Variants in CELF4 observed in about 807,000 individuals in gnomAD.
The protein encoded by CELF4 is CUG-BP- and ETR-3-like factor 4.
CELF4 carries 18 observed loss-of-function variants against 59.9 expected under a neutral mutation model. The observed-to-expected ratio is 0.30, with a 90% CI of 0.21 to 0.45. CELF4 has a LOEUF of 0.45. Ranked by LOEUF, CELF4 falls within the 20% of genes least tolerant of loss-of-function variation. CELF4 has a pLI of 1.00. For missense variants in CELF4, 456 were observed against 689.0 expected (o/e 0.66, Z 3.79); for synonymous variants, 261 against 267.1 (o/e 0.98, Z 0.22).
chr18:37,390,173 T>C lies in CELF4; in HGVS notation c.370-68292A>G, dbSNP rs534540272. ...ACATGCTGTAGGTGGCATATGTCCA[T>C]GAGCGTGCGCCACATGGGAGCCTGC... On this transcript the variant is annotated intron_variant, in intron 2 of 12. Transcript: ENST00000420428. Among the ~76,000 whole-genome samples the C allele has an allele frequency of 3.3e-5, 5 of 152,318 alleles. No individual in the cohort carries two copies. In the East Asian group the frequency reaches 5.8e-4, roughly 18 times the overall value.
At chr18:37,318,317 T>G (rs771505895) in intron 3 of CELF4, among the ~76,000 whole-genome samples, 32 of 150,880 alleles carry the variant, frequency 2.1e-4, no homozygotes, top group Admixed American at 1.8e-3. Flanking sequence ...ACCTCTCTAC[T>G]TTTCTCACCT....
At chr18:37,470,920 G>GAGAGAGAGAGA (rs374277745) in intron 2 of CELF4, among the ~76,000 whole-genome samples, 18 of 147,424 alleles carry the variant, frequency 1.2e-4, no homozygotes, top group East Asian at 4.0e-4. Context: ...GAGAGAGAGA[G>GAGAGAGAGAGA]GTGGAGCCTC....
At chr18:37,499,107 A>G (rs575572798) in intron 1 of CELF4, among the ~76,000 whole-genome samples, 1 of 152,304 alleles carries the variant, frequency 6.6e-6, no homozygotes, top group African/African-American at 2.4e-5. Flanking sequence ...ATACACACTC[A>G]TAGGGGACAG....
At chr18:37,336,207 G>A (rs1009666926) in intron 2 of CELF4, among the ~76,000 whole-genome samples, 1 of 152,188 alleles carries the variant, frequency 6.6e-6, no homozygotes, top group Non-Finnish European at 1.5e-5. Flanking sequence ...GGCTGTGGTG[G>A]CTGCCAGTCT....
chr18:37,555,934 G>T (rs563766138), intron 1 of CELF4, among the ~76,000 whole-genome samples: 2 of 152,152 alleles, frequency 1.3e-5, no homozygotes, highest in African/African-American at 4.8e-5. Context: ...GCGTGTTCAC[G>T]TGTATGTAAG....
At chr18:37,560,003 G>T (rs1014351502) in intron 1 of CELF4, among the ~76,000 whole-genome samples, 1 of 152,202 alleles carries the variant, frequency 6.6e-6, no homozygotes, top group African/African-American at 2.4e-5. Context: ...TTCAAGAAAA[G>T]ATTTCATTTT....
intron 1 of CELF4, among the ~76,000 whole-genome samples, chr18:37,513,377 C>CACTG (rs2099946753): frequency 6.6e-6 from 1 of 152,190 alleles, no homozygotes; most frequent in South Asian, 2.1e-4. Flanking sequence ...TGTGAGCAAA[C>CACTG]TGAGAGTTGG....
rs371838626 is a variant in CELF4 at position 37,367,695 on chromosome 18, C to T, written c.370-45814G>A. ...GAGACTGTGTTTTTTTCTTTTCTTTCTTTTTTTTTTTTCTTAAAAGAGAGA... is the reference window on the plus strand; with the variant it reads ...GAGACTGTGTTTTTTTCTTTTCTTTTTTTTTTTTTTTTCTTAAAAGAGAGA... On this transcript the variant is annotated intron_variant, in intron 2 of 12. Coordinates refer to ENST00000420428, the MANE Select transcript of CELF4 (RefSeq NM_020180.4). Among the ~76,000 whole-genome samples, 47 of 144,744 alleles carry T rather than the reference C, an allele frequency of 3.2e-4. No individual in the cohort carries two copies. In the East Asian group the frequency reaches 6.4e-3, roughly 20 times the overall value. The allele number at this position is 144,744 out of a possible 152,430, so 95.0% of individuals were successfully genotyped here.
intron 2 of CELF4, among the ~76,000 whole-genome samples, chr18:37,387,021 G>T (rs545231589): frequency 1.3e-5 from 2 of 152,216 alleles, no homozygotes; most frequent in African/African-American, 4.8e-5. Flanking sequence ...GAGACGGCAC[G>T]CACGGGGCTG....
chr18:37,279,487 G>A (rs935550811), intron 3 of CELF4, among the ~76,000 whole-genome samples: 2 of 152,186 alleles, frequency 1.3e-5, no homozygotes, highest in Admixed American at 6.5e-5. Context: ...GAGGCCTCAC[G>A]GGTTCCTCCT....
chr18:37,479,889 A>T (rs1171907568), intron 2 of CELF4, among the ~76,000 whole-genome samples: 2 of 152,220 alleles, frequency 1.3e-5, no homozygotes, highest in Non-Finnish European at 2.9e-5. Flanking sequence ...TGTCTTCATA[A>T]AAAGGAGAAG....
chr18:37,270,233 T>C (rs1052243560), intron 8 of CELF4, among the ~76,000 whole-genome samples: 8 of 152,194 alleles, frequency 5.3e-5, no homozygotes, highest in African/African-American at 1.9e-4. Flanking sequence ...GGGCTGTCTG[T>C]GGTGCTGACC....
At chr18:37,425,054 C>T (rs1277689162) in intron 2 of CELF4, among the ~76,000 whole-genome samples, 1 of 152,196 alleles carries the variant, frequency 6.6e-6, no homozygotes, top group Non-Finnish European at 1.5e-5. Context: ...TGGTCACATC[C>T]TATATTGCTG....
At chr18:37,321,529 T>C (rs1357254482) in intron 3 of CELF4, among the ~76,000 whole-genome samples, 1 of 152,198 alleles carries the variant, frequency 6.6e-6, no homozygotes, top group Admixed American at 6.5e-5. Flanking sequence ...GGTGTTTTAA[T>C]GGAGGGGAGA....
intron 3 of CELF4, among the ~76,000 whole-genome samples, chr18:37,309,366 G>T (rs2096561785): frequency 6.6e-6 from 1 of 152,160 alleles, no homozygotes; most frequent in African/African-American, 2.4e-5. Flanking sequence ...TCACCCAATT[G>T]TGCAGGGCTG....
At chr18:37,247,660 C>T (rs1320302300) in intron 12 of CELF4, among the ~76,000 whole-genome samples, 1 of 151,854 alleles carries the variant, frequency 6.6e-6, no homozygotes, top group Non-Finnish European at 1.5e-5. Context: ...CACACACATA[C>T]ACACATACAC....
chr18:37,519,278 G>C (rs765593246), intron 1 of CELF4, among the ~76,000 whole-genome samples: 3 of 152,274 alleles, frequency 2.0e-5, no homozygotes, highest in Non-Finnish European at 4.4e-5. Context: ...GTGAGCTGGG[G>C]GGTCCTGAGC....
In CELF4 at chr18:37,272,996, G is replaced by T. The variant is rs2092037310; in HGVS notation, c.949+20C>A. ...GTTCTCCCACCGGGCCAGACCGCGT[G>T]TTGGCACCTGCCAGCTCACCTGAGG... On this transcript the variant is annotated intron_variant, in intron 7 of 12. Coordinates refer to ENST00000420428, the MANE Select transcript of CELF4 (RefSeq NM_020180.4). The T allele has an allele frequency of 6.3e-7, 1 of 1,597,414 alleles. No homozygotes were observed. The highest frequency in any genetic ancestry group is 8.6e-7 in the Non-Finnish European group (1 of 1,168,702).
intron 3 of CELF4, among the ~76,000 whole-genome samples, chr18:37,296,869 C>T (rs552301866): frequency 6.6e-6 from 1 of 152,260 alleles, no homozygotes; most frequent in South Asian, 2.1e-4. Context: ...TAGCAGTGAA[C>T]AGGAGGACGC....
Sources: gnomAD v4.1 joint callset for allele counts (sites outside exome capture counted in the v4.1 genomes callset) on GRCh38, gnomAD v4.1.1 for gene constraint, MANE v1.5 for transcripts, NCBI Gene and HGNC (gene_info 2026-07-23, HGNC 2026-07-21) for gene names.